The following SLA variants were observed in gnomAD, a reference collection of about 807,000 sequenced individuals.
The protein encoded by SLA is src-like-adapter.
Under a neutral mutation model 30.3 loss-of-function variants are expected in SLA, and 16 were observed. The ratio of observed to expected loss-of-function variants is 0.53; its 90% CI spans 0.36 to 0.80. The LOEUF is 0.80. Among genes scored for constraint, SLA ranks in the 30% least tolerant of loss-of-function variants. The probability of loss-of-function intolerance (pLI) is 0.01; values close to 1 mark genes in which losing one functional copy is unlikely to be tolerated. For missense variants in SLA, 310 were observed against 345.2 expected, an observed-to-expected ratio of 0.90 and a Z score of 0.81; for synonymous variants, 143 against 137.8, an observed-to-expected ratio of 1.04 and a Z score of -0.26.
intron 2 of SLA, among the ~76,000 whole-genome samples, chr8:133,069,506 C>CA (rs201542074): frequency 0.041 from 6,176 of 152,212 alleles, 392 homozygotes; most frequent in African/African-American, 0.13. Flanking sequence ...CTCCTTAGCT[C>CA]CTGTTCCCTC....
chr8:133,049,259 C>T (rs1045786645), intron 5 of SLA: 2 of 416,184 alleles, frequency 4.8e-6, no homozygotes, highest in African/African-American at 2.1e-5. Flanking sequence ...TTTATCTTAC[C>T]CATTTTTCAA....
intron 2 of SLA, among the ~76,000 whole-genome samples, chr8:133,063,392 A>G (rs995047564): frequency 6.6e-6 from 1 of 152,144 alleles, no homozygotes; most frequent in African/African-American, 2.4e-5. Flanking sequence ...AAGTCAGAAC[A>G]AGATTTTGCT....
At chr8:133,066,342 A>G (rs1175427677) in intron 2 of SLA, among the ~76,000 whole-genome samples, 3 of 151,732 alleles carry the variant, frequency 2.0e-5, no homozygotes, top group Non-Finnish European at 4.4e-5. Flanking sequence ...AAAAAAAAAA[A>G]AAGCTGTTAC....
intron 2 of SLA, chr8:133,063,476 A>G (rs889122305): frequency 6.6e-6 from 1 of 151,520 alleles, no homozygotes; most frequent in African/African-American, 2.4e-5. Flanking sequence ...TTTGCATGCT[A>G]TTTTGGAGGG....
chr8:133,052,662 C>T (rs141275394), intron 3 of SLA, among the ~76,000 whole-genome samples: 291 of 152,336 alleles, frequency 1.9e-3, no homozygotes, highest in African/African-American at 6.8e-3. Flanking sequence ...CCCAAGTTCT[C>T]ACAAAGGGCA....
At chr8:133,056,365 G>A (rs1002992159) in intron 3 of SLA, among the ~76,000 whole-genome samples, 1 of 152,220 alleles carries the variant, frequency 6.6e-6, no homozygotes, top group African/African-American at 2.4e-5. Flanking sequence ...TCCAAGATTT[G>A]ACACGGATTC....
chr8:133,046,045 G>A lies in SLA; in HGVS notation c.353-930C>T, dbSNP rs141281804. Reference sequence around the variant, plus strand: ...TGAAAGGCGGGTTATTGCTCCTTAAGCCTCGTTAGAGCAATGACCTGATAT... The same window carrying A: ...TGAAAGGCGGGTTATTGCTCCTTAAACCTCGTTAGAGCAATGACCTGATAT... On this transcript the variant is annotated intron_variant, in intron 6 of 8. Coordinates refer to ENST00000338087, the MANE Select transcript of SLA (RefSeq NM_001045556.3). Among the ~76,000 whole-genome samples, 4 of 152,262 alleles carry A rather than the reference G, an allele frequency of 2.6e-5. No homozygotes were observed. The South Asian group carries it at 6.2e-4, about 24-fold the overall frequency.
intron 3 of SLA, among the ~76,000 whole-genome samples, chr8:133,051,159 C>T (rs1403274895): frequency 6.6e-6 from 1 of 152,194 alleles, no homozygotes; most frequent in Non-Finnish European, 1.5e-5. Flanking sequence ...CTCATGTTCT[C>T]ATCTGAGAAA....
chr8:133,097,082 C>T (rs2131651372), intron 1 of SLA, among the ~76,000 whole-genome samples: 1 of 152,336 alleles, frequency 6.6e-6, no homozygotes, highest in Non-Finnish European at 1.5e-5. Context: ...CAGGGAAGCC[C>T]AGTGTGCATA....
chr8:133,047,486 G>A (rs777560899), intron 6 of SLA: 25 of 320,272 alleles, frequency 7.8e-5, no homozygotes, highest in Admixed American at 7.6e-4. Context: ...TGAGAGCACA[G>A]CCCAGGCCCA....
At chr8:133,096,187 ATTG>A in intron 1 of SLA, 1 of 1,614,094 alleles carries the variant, frequency 6.2e-7, no homozygotes, top group Non-Finnish European at 8.5e-7. Flanking sequence ...ACAACTGATT[ATTG>A]TTGCATCCAA....
At chr8:133,072,049 C>T (rs550432757) in intron 2 of SLA, among the ~76,000 whole-genome samples, 1 of 152,240 alleles carries the variant, frequency 6.6e-6, no homozygotes, top group East Asian at 1.9e-4. Context: ...CTATTTTGCC[C>T]CTAAGCACAA....
At position 133,087,071 on chromosome 8, in the gene SLA, T is replaced by TACACAC. The variant is rs56028043; in HGVS notation, c.-318-11947_-318-11942dup. On this transcript the variant is annotated intron_variant, in intron 1 of 8. Transcript: ENST00000338087. Reference sequence around the variant, plus strand: ...TGTATAGATTTCCTGAATATATGTTTACACACACACACACACACACACACA... The same window carrying TACACAC: ...TGTATAGATTTCCTGAATATATGTTTACACACACACACACACACACACACACACACA... 3.8e-4 allele frequency among the ~76,000 whole-genome samples: 55 copies of TACACAC among 143,132 alleles called. 1 individual carries two copies. Among genetic ancestry groups the TACACAC allele is most frequent in the East Asian group, 2.5e-3 (12 of 4,846 alleles). 93.9% of individuals were successfully genotyped at this position (143,132 alleles called of 152,430 possible). A position where few individuals can be genotyped will look rare whatever the true frequency, so the allele number is the denominator to read the frequency against.
At chr8:133,050,316 G>C in intron 4 of SLA, 1 of 362,396 alleles carries the variant, frequency 2.8e-6, no homozygotes, top group Non-Finnish European at 5.2e-6. Context: ...ATGCTCTGCA[G>C]TATAGCCAAA....
At chr8:133,044,141 T>C (rs564622767) in intron 7 of SLA, among the ~76,000 whole-genome samples, 1 of 152,340 alleles carries the variant, frequency 6.6e-6, no homozygotes, top group East Asian at 1.9e-4. Context: ...GGATCTGGGA[T>C]AGAAACAGAG....
chr8:133,046,114 C>T (rs1839341733), intron 6 of SLA, among the ~76,000 whole-genome samples: 1 of 152,176 alleles, frequency 6.6e-6, no homozygotes, highest in African/African-American at 2.4e-5. Context: ...TCGATTTCCT[C>T]AAATGCAAAA....
chr8:133,094,439 A>G (rs1564183302), intron 1 of SLA, among the ~76,000 whole-genome samples: 1 of 151,776 alleles, frequency 6.6e-6, no homozygotes, highest in Non-Finnish European at 1.5e-5. Context: ...ATGGGGTTTC[A>G]CTGTGTTAGC....
chr8:133,044,858 A>G, intron 7 of SLA, 126 bp downstream of exon 7: 1 of 887,046 alleles, frequency 1.1e-6, no homozygotes, highest in South Asian at 1.5e-5. Flanking sequence ...TTAACGAGAG[A>G]GCATATCATG....
intron 2 of SLA, chr8:133,073,362 C>A (rs569155346): frequency 1.2e-4 from 19 of 152,138 alleles, no homozygotes; most frequent in South Asian, 1.0e-3. Flanking sequence ...AATTCTTCTT[C>A]TTATTTTTTT....
Sources: allele counts gnomAD v4.1 joint callset (sites outside exome capture counted in the v4.1 genomes callset), GRCh38; gene constraint gnomAD v4.1.1; transcripts MANE v1.5; gene names NCBI Gene and HGNC (gene_info 2026-07-23, HGNC 2026-07-21).